SH3RF1: variants seen among roughly 807,000 people sequenced by gnomAD.
The protein encoded by SH3RF1 is SH3 domain containing ring finger 1.
Under a neutral mutation model 74.0 loss-of-function variants are expected in SH3RF1, and 32 were observed. That is an observed-to-expected ratio of 0.43 (90% CI 0.33 to 0.58). The LOEUF is 0.58. SH3RF1 is among the 20% of genes least tolerant of loss of function. The probability of loss-of-function intolerance (pLI) is 0.05; values close to 1 mark genes in which losing one functional copy is unlikely to be tolerated. For synonymous variants in SH3RF1, 396 were observed against 439.6 expected (o/e 0.90, Z 1.24); for missense variants, 954 against 1,130.9 (o/e 0.84, Z 2.24).
chr4:169,130,159 G>GAGAAGGGGCACTGCAGGAGAGC lies in SH3RF1; in HGVS notation c.1069-4_1069-3insGCTCTCCTGCAGTGCCCCTTCT. 6.5e-7 allele frequency: 1 copy of GAGAAGGGGCACTGCAGGAGAGC among 1,547,994 alleles called. No homozygotes were observed. The highest frequency in any genetic ancestry group is 8.7e-7 in the Non-Finnish European group (1 of 1,155,144). ...AACCCGGTGGTACTTATATGAACCT[G>GAGAAGGGGCACTGCAGGAGAGC]CCGAGAAAAGAAAAGTTATTAAAAA... On this transcript the variant is annotated splice_region_variant and splice_polypyrimidine_tract_variant and intron_variant, in intron 5 of 11. Transcript: ENST00000284637.
chr4:169,171,953 A>G (rs1315763782), intron 2 of SH3RF1, among the ~76,000 whole-genome samples: 1 of 152,240 alleles, frequency 6.6e-6, no homozygotes, highest in Non-Finnish European at 1.5e-5. Context: ...TTATATAATC[A>G]TAATACTGCA....
At chr4:169,102,687 A>T (rs553370213) in intron 11 of SH3RF1, among the ~76,000 whole-genome samples, 13 of 151,806 alleles carry the variant, frequency 8.6e-5, no homozygotes, top group Non-Finnish European at 1.9e-4. Context: ...GCTGTCATCA[A>T]TTATACATTT....
intron 2 of SH3RF1, among the ~76,000 whole-genome samples, chr4:169,233,349 T>C (rs907881505): frequency 3.3e-5 from 5 of 151,438 alleles, no homozygotes; most frequent in Admixed American, 6.6e-5. Context: ...GAAGTCAACA[T>C]GTACAGTAGC....
intron 2 of SH3RF1, among the ~76,000 whole-genome samples, chr4:169,223,567 C>T (rs542653923): frequency 4.0e-4 from 61 of 152,296 alleles, no homozygotes; most frequent in African/African-American, 1.4e-3. Context: ...GGATACACCA[C>T]GACACACCAT....
chr4:169,222,913 G>A (rs746677567), intron 2 of SH3RF1, among the ~76,000 whole-genome samples: 1 of 152,258 alleles, frequency 6.6e-6, no homozygotes, highest in East Asian at 1.9e-4. Flanking sequence ...CCAAATGGGC[G>A]GCTATAAATG....
chr4:169,101,991 G>A (rs557168310), intron 11 of SH3RF1, among the ~76,000 whole-genome samples: 102 of 152,156 alleles, frequency 6.7e-4, no homozygotes, highest in African/African-American at 2.3e-3. Flanking sequence ...TACATTTCCT[G>A]TTTCCTTTAT....
intron 10 of SH3RF1, among the ~76,000 whole-genome samples, chr4:169,114,366 T>G (rs1733294986): frequency 6.6e-6 from 1 of 152,172 alleles, no homozygotes; most frequent in Non-Finnish European, 1.5e-5. Context: ...AGAACATCCT[T>G]GAGTTTACAC....
At chr4:169,184,696 G>T (rs1734575623) in intron 2 of SH3RF1, among the ~76,000 whole-genome samples, 1 of 152,168 alleles carries the variant, frequency 6.6e-6, no homozygotes, top group Non-Finnish European at 1.5e-5. Flanking sequence ...ATTATCTGAG[G>T]TAAGAAAGTT....
intron 2 of SH3RF1, among the ~76,000 whole-genome samples, chr4:169,210,582 T>C (rs1312109600): frequency 1.3e-5 from 2 of 152,236 alleles, no homozygotes; most frequent in Non-Finnish European, 2.9e-5. Flanking sequence ...CTTTTCATAA[T>C]AACATGTTAA....
intron 2 of SH3RF1, among the ~76,000 whole-genome samples, chr4:169,168,629 GA>G (rs1315288776): frequency 6.6e-6 from 1 of 152,206 alleles, no homozygotes; most frequent in East Asian, 1.9e-4. Context: ...ATTTAAGTTG[GA>G]TAAAGGAATT....
At chr4:169,219,588 G>A (rs1730528924) in intron 2 of SH3RF1, among the ~76,000 whole-genome samples, 1 of 152,198 alleles carries the variant, frequency 6.6e-6, no homozygotes, top group African/African-American at 2.4e-5. Context: ...GAGGGATGGT[G>A]TATAAGGAGC....
At chr4:169,234,418 G>C (rs1158681286) in intron 2 of SH3RF1, among the ~76,000 whole-genome samples, 2 of 152,172 alleles carry the variant, frequency 1.3e-5, no homozygotes, top group African/African-American at 4.8e-5. Context: ...TGGTCTTCCA[G>C]TTCTCCCCTG....
chr4:169,186,933 G>A (rs1276802138), intron 2 of SH3RF1, among the ~76,000 whole-genome samples: 20 of 149,598 alleles, frequency 1.3e-4, no homozygotes, highest in African/African-American at 4.9e-4. Context: ...AGAATGGTGC[G>A]AAGCCAGGAG....
In SH3RF1 at chr4:169,268,738, C is replaced by G. The variant is rs1051884691; in HGVS notation, c.393+82G>C. The G allele has an allele frequency of 3.2e-4, 474 of 1,460,840 alleles. 2 individuals are homozygous for G. The highest frequency in any genetic ancestry group is 1.9e-4 in the Admixed American group (8 of 42,322). The allele number at this position is 1,460,840 out of a possible 1,614,324, so 90.5% of individuals were successfully genotyped here. A position where few individuals can be genotyped will look rare whatever the true frequency, so the allele number is the denominator to read the frequency against. On this transcript the variant is annotated intron_variant, in intron 2 of 11. Coordinates refer to ENST00000284637, the MANE Select transcript of SH3RF1 (RefSeq NM_020870.4). Reference sequence around the variant, plus strand: ...GGTTTCCTAAGCAATGAGTTGACTTCGAAAACACCAAGCTAAAGAATAAAG... The same window carrying G: ...GGTTTCCTAAGCAATGAGTTGACTTGGAAAACACCAAGCTAAAGAATAAAG...
chr4:169,255,983 G>T (rs1731187413), intron 2 of SH3RF1, among the ~76,000 whole-genome samples: 2 of 151,874 alleles, frequency 1.3e-5, no homozygotes, highest in Admixed American at 1.3e-4. Flanking sequence ...GCCCAGGCTG[G>T]TCTCAAATTC....
intron 2 of SH3RF1, among the ~76,000 whole-genome samples, chr4:169,169,639 T>A (rs549543835): frequency 1.3e-5 from 2 of 152,220 alleles, no homozygotes; most frequent in African/African-American, 4.8e-5. Flanking sequence ...CAGACATCCA[T>A]GGAAAACTGG....
chr4:169,184,493 A>G (rs1734571890), intron 2 of SH3RF1, among the ~76,000 whole-genome samples: 1 of 152,194 alleles, frequency 6.6e-6, no homozygotes, highest in Admixed American at 6.5e-5. Context: ...CACTTCCCTG[A>G]GTCTCACAGG....
At chr4:169,257,413 G>A (rs1267966152) in intron 2 of SH3RF1, among the ~76,000 whole-genome samples, 1 of 152,140 alleles carries the variant, frequency 6.6e-6, no homozygotes, top group Non-Finnish European at 1.5e-5. Context: ...TACTCCTGTT[G>A]ACTCTGCAAA....
chr4:169,178,454 C>T (rs1404803632), intron 2 of SH3RF1, among the ~76,000 whole-genome samples: 1 of 151,852 alleles, frequency 6.6e-6, no homozygotes, highest in South Asian at 2.1e-4. Context: ...CACATCAGGA[C>T]GAGGAAGTAC....
Sources: allele counts gnomAD v4.1 joint callset (sites outside exome capture counted in the v4.1 genomes callset), GRCh38; gene constraint gnomAD v4.1.1; transcripts MANE v1.5; gene names NCBI Gene and HGNC (gene_info 2026-07-23, HGNC 2026-07-21).